TJP2: variants seen among roughly 807,000 people sequenced by gnomAD.
TJP2 encodes tight junction protein 2.
Under a neutral mutation model 133.1 loss-of-function variants are expected in TJP2, and 91 were observed. The ratio of observed to expected loss-of-function variants is 0.68; its 90% CI spans 0.58 to 0.81. The LOEUF (loss-of-function observed/expected upper bound fraction) is 0.81, where lower values mean the gene tolerates loss of function less well. Among genes scored for constraint, TJP2 ranks in the 40% least tolerant of loss-of-function variants. TJP2 has a pLI of 0.00. For missense variants in TJP2, 1,541 were observed against 1,565.6 expected (o/e 0.98, Z 0.26); for synonymous variants, 592 against 583.4 (o/e 1.01, Z -0.21).
chr9:69,143,545 T>TG (rs1823093825), intron 1 of TJP2, among the ~76,000 whole-genome samples: 1 of 152,224 alleles, frequency 6.6e-6, no homozygotes, highest in Non-Finnish European at 1.5e-5. Flanking sequence ...AAAGAATTCC[T>TG]GGGACTAACT....
chr9:69,145,426 C>T (rs922071202), intron 1 of TJP2, among the ~76,000 whole-genome samples: 4 of 152,168 alleles, frequency 2.6e-5, no homozygotes, highest in Non-Finnish European at 5.9e-5. Context: ...TACATTAGAT[C>T]GCCGTGTTTA....
rs115240529 is a variant in TJP2, at chr9:69,201,478, C to T, written c.61-11070C>T. ...TCCTTCAGACCTCATCTCGGTGTCC[C>T]TGGCTCATGGAAACCCTCCCTGGCC... On this transcript the variant is annotated intron_variant, in intron 1 of 22. Transcript: ENST00000377245. Among the ~76,000 whole-genome samples the T allele has an allele frequency of 9.1e-3, 1,379 of 152,054 alleles. 9 individuals are homozygous for T. The highest frequency in any genetic ancestry group is 0.032 in the African/African-American group (1,305 of 41,424).
intron 16 of TJP2, among the ~76,000 whole-genome samples, chr9:69,239,560 C>T (rs562363249): frequency 3.9e-5 from 6 of 152,268 alleles, no homozygotes; most frequent in African/African-American, 1.4e-4. Flanking sequence ...CCTGTAATCC[C>T]AGCACTTTGG....
At chr9:69,193,185 G>A (rs755189803) in intron 1 of TJP2, among the ~76,000 whole-genome samples, 1 of 151,910 alleles carries the variant, frequency 6.6e-6, no homozygotes, top group Admixed American at 6.6e-5. Flanking sequence ...CAAAGTGCTG[G>A]GATTACAGGC....
intron 15 of TJP2, among the ~76,000 whole-genome samples, chr9:69,238,387 A>G (rs1315544879): frequency 6.6e-6 from 1 of 152,150 alleles, no homozygotes; most frequent in Non-Finnish European, 1.5e-5. Flanking sequence ...AATACAACCA[A>G]GGACCATTCA....
chr9:69,173,886 A>G (rs1488144491), upstream of TJP2, among the ~76,000 whole-genome samples: 1 of 152,066 alleles, frequency 6.6e-6, no homozygotes, highest in African/African-American at 2.4e-5. Context: ...AGCACTTCCC[A>G]GAGCGCGCGC....
chr9:69,200,315 C>T (rs1826894630), intron 1 of TJP2, among the ~76,000 whole-genome samples: 1 of 152,162 alleles, frequency 6.6e-6, no homozygotes, highest in African/African-American at 2.4e-5. Flanking sequence ...TGGGACATAC[C>T]TCCCTCCACC....
intron 1 of TJP2, among the ~76,000 whole-genome samples, chr9:69,201,330 G>A (rs1007752010): frequency 6.6e-6 from 1 of 152,152 alleles, no homozygotes; most frequent in Admixed American, 6.5e-5. Context: ...GGCTGCAGTT[G>A]TTCTTACGTT....
chr9:69,190,066 C>T lies in TJP2; in HGVS notation c.60+15634C>T, dbSNP rs1449572031. ...TGGAGTTTGCAGTGAGCCAAGATGG[C>T]GCCACTGCACTCCAGCCTGGGCAAC... On this transcript the variant is annotated intron_variant, in intron 1 of 22. Transcript: ENST00000377245. Among the ~76,000 whole-genome samples, 2 of 44,102 alleles carry T rather than the reference C, an allele frequency of 4.5e-5. 1 individual carries two copies. The highest frequency in any genetic ancestry group is 1.7e-4 in the African/African-American group (2 of 11,850). The allele number at this position is 44,102 out of a possible 152,430, so 28.9% of individuals were successfully genotyped here. A position where few individuals can be genotyped will look rare whatever the true frequency, so the allele number is the denominator to read the frequency against.
At chr9:69,152,894 G>C (rs539765389) in intron 2 of TJP2, among the ~76,000 whole-genome samples, 3 of 128,088 alleles carry the variant, frequency 2.3e-5, no homozygotes, top group Non-Finnish European at 3.1e-5. Context: ...GCAGTGGTGC[G>C]ATCTCGGCTC....
chr9:69,234,398 C>CT (rs202100183), intron 11 of TJP2, 41 bp from the exon 12 acceptor site: 18,844 of 966,834 alleles, frequency 0.019, 5 homozygotes, highest in East Asian at 0.035. Flanking sequence ...TTCTTTCTTT[C>CT]TTTTTTTTTT....
exon 2 of TJP2, chr9:69,151,716 G>C: frequency 8.1e-7 from 1 of 1,232,064 alleles, no homozygotes; most frequent in South Asian, 4.1e-5. Flanking sequence ...TGCAGCTCCA[G>C]GAGCAAGTAC....
At chr9:69,202,199 G>T (rs1215925017) in intron 1 of TJP2, among the ~76,000 whole-genome samples, 8 of 152,188 alleles carry the variant, frequency 5.3e-5, no homozygotes, top group Non-Finnish European at 1.2e-4. Flanking sequence ...TTCCAAGATG[G>T]TGTCTTGTTG....
chr9:69,231,098 TA>T (rs940161733), intron 11 of TJP2, among the ~76,000 whole-genome samples: 19 of 145,544 alleles, frequency 1.3e-4, no homozygotes, highest in African/African-American at 4.3e-4. Context: ...TATAGAGTAC[TA>T]GGGAACTGTT....
chr9:69,226,059 A>T lies in TJP2; in HGVS notation c.1094A>T (p.Asp365Val). Reference protein sequence around the residue: ...GTVTENMSLTDARKLIEKSRG... With the variant: ...GTVTENMSLTVARKLIEKSRG... ...GTAACTGAGAACATGTCTTTAACGG[A>T]TGCTCGAAAATTGATAGAAAAGTCA... Residue 365 changes from aspartate to valine, a missense_variant, in exon 7 of 23, where the codon GAT becomes GTT. Physicochemically the swap from Asp to Val is radical, Grantham distance 152. Coordinates refer to ENST00000377245, the MANE Select transcript of TJP2 (RefSeq NM_004817.4). 1 of 1,614,216 alleles carries T rather than the reference A, an allele frequency of 6.2e-7. No homozygotes were observed. Among genetic ancestry groups the T allele is most frequent in the Non-Finnish European group, 8.5e-7 (1 of 1,180,034 alleles).
chr9:69,229,075 G>A lies in TJP2; in HGVS notation c.1454-109G>A, dbSNP rs188644347. On this transcript the variant is annotated intron_variant, in intron 9 of 22. Coordinates refer to ENST00000377245, the MANE Select transcript of TJP2 (RefSeq NM_004817.4). ...TTAGAGACTTCTTTTTGTTTGTGGT[G>A]ACATATGTGGCATAGACTTACATTT... 2.1e-3 allele frequency: 2,014 copies of A among 981,000 alleles called. 36 individuals are homozygous for A. In the Admixed American group the frequency reaches 0.029, roughly 14 times the overall value. 60.8% of individuals were successfully genotyped at this position (981,000 alleles called of 1,614,324 possible).
At chr9:69,201,343 G>C (rs1405549409) in intron 1 of TJP2, among the ~76,000 whole-genome samples, 1 of 152,108 alleles carries the variant, frequency 6.6e-6, no homozygotes, top group Non-Finnish European at 1.5e-5. Flanking sequence ...CTTACGTTCT[G>C]ATGGCCATCC....
chr9:69,175,956 C>T (rs1825054363), intron 1 of TJP2, among the ~76,000 whole-genome samples: 2 of 152,196 alleles, frequency 1.3e-5, no homozygotes, highest in Non-Finnish European at 2.9e-5. Context: ...GCCCCTACTC[C>T]TGCCAGTCAC....
intron 6 of TJP2, 148 bp from the exon 7 acceptor site, chr9:69,225,874 C>A: frequency 2.4e-6 from 2 of 821,852 alleles, no homozygotes; most frequent in Admixed American, 2.6e-5. Flanking sequence ...TTAATTTAAA[C>A]GACAATTCAT....
Sources: allele counts gnomAD v4.1 joint callset (sites outside exome capture counted in the v4.1 genomes callset), GRCh38; gene constraint gnomAD v4.1.1; transcripts MANE v1.5; gene names NCBI Gene and HGNC (gene_info 2026-07-23, HGNC 2026-07-21).